Variants in HECW1 observed in about 807,000 individuals in gnomAD.
HECW1 encodes the protein E3 ubiquitin-protein ligase HECW1.
A neutral mutation model predicts 182.3 loss-of-function variants in HECW1; 61 were observed. That is an observed-to-expected ratio of 0.33 (90% confidence interval 0.27 to 0.41). The LOEUF (loss-of-function observed/expected upper bound fraction) is 0.41, where lower values mean the gene tolerates loss of function less well. HECW1 is among the 10% of genes least tolerant of loss of function. The pLI, the probability that HECW1 is intolerant of heterozygous loss-of-function variation, is 1.00. For missense variants in HECW1, 1,739 were observed against 2,108.9 expected (o/e 0.82, Z 3.44); for synonymous variants, 859 against 832.6 (o/e 1.03, Z -0.55).
chr7:43,149,579 G>C (rs772801221), intron 2 of HECW1, among the ~76,000 whole-genome samples: 2 of 152,174 alleles, frequency 1.3e-5, no homozygotes, highest in Non-Finnish European at 2.9e-5. Flanking sequence ...TTATAGTACT[G>C]TACCAATACT....
intron 4 of HECW1, among the ~76,000 whole-genome samples, chr7:43,312,313 G>A (rs182003785): frequency 1.0e-3 from 157 of 152,222 alleles, no homozygotes; most frequent in Non-Finnish European, 2.1e-3. Flanking sequence ...ATATAGCAGA[G>A]TCAGGTGTGG....
intron 5 of HECW1, among the ~76,000 whole-genome samples, chr7:43,321,177 G>A (rs1810068459): frequency 6.6e-6 from 1 of 152,154 alleles, no homozygotes; most frequent in Admixed American, 6.5e-5. Flanking sequence ...GTCTGTCAGT[G>A]ATTTTCCACA....
chr7:43,128,541 C>A (rs1404672030), intron 2 of HECW1, among the ~76,000 whole-genome samples: 2 of 152,168 alleles, frequency 1.3e-5, no homozygotes, highest in Admixed American at 6.5e-5. Context: ...CTTGGTCACC[C>A]AAGAGCACTG....
At chr7:43,403,182 A>G (rs181369637) in intron 7 of HECW1, among the ~76,000 whole-genome samples, 55 of 152,356 alleles carry the variant, frequency 3.6e-4, no homozygotes, top group African/African-American at 1.3e-3. Context: ...AAAAACAAAC[A>G]GAAGTTATTA....
At position 43,444,381 on chromosome 7, in the gene HECW1, T is replaced by C. The variant is rs1436960863; in HGVS notation, c.1209T>C (p.Asp403=). Residue 403 remains aspartate, a synonymous_variant, in exon 11 of 30, where the codon GAT becomes GAC. Transcript: ENST00000395891. The surrounding 1 kb of genome is among the most constrained non-coding windows in gnomAD (Gnocchi z 4.3). ...AGCTGGGTGAGGGCAGTGTCCCCGA[T>C]GGTCCAGGGAACCAAAGCATAGAGC... The part of the protein sequence containing the change: ...PEQLGEGSVP[D]GPGNQSIELS... 1.2e-6 allele frequency: 2 copies of C among 1,613,920 alleles called. No individual in the cohort carries two copies. The highest frequency in any genetic ancestry group is 1.7e-6 in the Non-Finnish European group (2 of 1,179,996).
intron 26 of HECW1, among the ~76,000 whole-genome samples, chr7:43,546,210 AC>A (rs2081553553): frequency 1.3e-5 from 1 of 74,740 alleles, no homozygotes; most frequent in Non-Finnish European, 2.8e-5. Flanking sequence ...GAAACCCTTT[AC>A]CCCCAACCTT....
intron 3 of HECW1, among the ~76,000 whole-genome samples, chr7:43,309,183 G>A (rs1240717667): frequency 6.6e-6 from 1 of 152,146 alleles, no homozygotes. Flanking sequence ...CTTGGGAATG[G>A]GAAGGAGGCA....
chr7:43,246,968 A>G (rs1263125777), intron 3 of HECW1, among the ~76,000 whole-genome samples: 3 of 152,162 alleles, frequency 2.0e-5, no homozygotes, highest in Non-Finnish European at 4.4e-5. Context: ...CACCCTAAAG[A>G]GAGCCTGAGC....
At chr7:43,270,241 G>T (rs930749215) in intron 3 of HECW1, among the ~76,000 whole-genome samples, 2 of 152,206 alleles carry the variant, frequency 1.3e-5, no homozygotes, top group Non-Finnish European at 2.9e-5. Flanking sequence ...TTGGCTGGCA[G>T]GTTTAGACTT....
At chr7:43,532,498 C>A (rs1271173538) in intron 24 of HECW1, among the ~76,000 whole-genome samples, 1 of 152,192 alleles carries the variant, frequency 6.6e-6, no homozygotes, top group East Asian at 1.9e-4. Context: ...CCAAGTCCGG[C>A]ATGATCTATC....
At chr7:43,427,897 G>A (rs1263102186) in intron 8 of HECW1, among the ~76,000 whole-genome samples, 1 of 152,022 alleles carries the variant, frequency 6.6e-6, no homozygotes, top group Admixed American at 6.6e-5. Flanking sequence ...CTTCAGACAG[G>A]GCCCAGTGTT....
chr7:43,371,377 G>A (rs541720979), intron 6 of HECW1, among the ~76,000 whole-genome samples: 1 of 152,258 alleles, frequency 6.6e-6, no homozygotes, highest in Admixed American at 6.5e-5. Flanking sequence ...TGGTAGTTGG[G>A]GAGGCTGTGC....
intron 2 of HECW1, chr7:43,239,109 AC>A (rs1798642556): frequency 6.6e-6 from 1 of 152,192 alleles, no homozygotes; most frequent in South Asian, 2.1e-4. Context: ...CCAACGTGAG[AC>A]CAGACGGCCA....
intron 2 of HECW1, among the ~76,000 whole-genome samples, chr7:43,189,540 A>T (rs1315669546): frequency 6.6e-6 from 1 of 152,210 alleles, no homozygotes; most frequent in African/African-American, 2.4e-5. Flanking sequence ...TCTGGATATC[A>T]TGAAGCTGCT....
intron 2 of HECW1, among the ~76,000 whole-genome samples, chr7:43,177,880 G>A (rs190697091): frequency 4.6e-5 from 7 of 152,084 alleles, no homozygotes; most frequent in African/African-American, 1.4e-4. Context: ...CCTACAGGAG[G>A]CACTGTCTCC....
rs1034156473 is a variant in HECW1 at position 43,341,176 on chromosome 7, G to A, written c.461-19710G>A. Among the ~76,000 whole-genome samples, 3 of 151,714 alleles carry A rather than the reference G, an allele frequency of 2.0e-5. No homozygotes were observed. The East Asian group carries it at 5.8e-4, about 29-fold the overall frequency. On this transcript the variant is annotated intron_variant, in intron 5 of 29. Transcript: ENST00000395891. ...GTCTGTCATAGGGTTGGGGGGCAGG[G>A]GGAGGGATAGCATTAGGTGAAATAT...
intron 2 of HECW1, among the ~76,000 whole-genome samples, chr7:43,149,516 T>C (rs997561125): frequency 6.6e-6 from 1 of 152,190 alleles, no homozygotes; most frequent in Non-Finnish European, 1.5e-5. Context: ...GGATCTTGGA[T>C]TGAATCTTGG....
chr7:43,189,449 A>C (rs2152682325), intron 2 of HECW1, among the ~76,000 whole-genome samples: 1 of 152,326 alleles, frequency 6.6e-6, no homozygotes. Context: ...AATCATTAAA[A>C]TACAAAAAGA....
chr7:43,388,985 G>C (rs1040785974), intron 6 of HECW1, among the ~76,000 whole-genome samples: 1 of 152,184 alleles, frequency 6.6e-6, no homozygotes, highest in Admixed American at 6.5e-5. Flanking sequence ...AGAAAGGAGT[G>C]GGGCCTGGAC....
Sources: gnomAD v4.1 joint callset for allele counts (sites outside exome capture counted in the v4.1 genomes callset) on GRCh38, gnomAD v4.1.1 for gene constraint, Gnocchi (gnomAD v3.1) non-coding constraint, MANE v1.5 for transcripts, NCBI Gene and HGNC (gene_info 2026-07-23, HGNC 2026-07-21) for gene names.